SCRG1: variants seen among roughly 807,000 people sequenced by gnomAD.
The protein encoded by SCRG1 is stimulator of chondrogenesis 1, also known as scrapie-responsive protein 1.
SCRG1 carries 3 observed loss-of-function variants against 7.7 expected under a neutral mutation model. That is an observed-to-expected ratio of 0.39 (90% CI 0.18 to 1.01). The LOEUF is 1.01. SCRG1 is among the 50% of genes least tolerant of loss of function. The pLI is 0.36. For missense variants in SCRG1, 110 were observed against 117.2 expected, an observed-to-expected ratio of 0.94 and a Z score of 0.28; for synonymous variants, 46 against 41.2, an observed-to-expected ratio of 1.12 and a Z score of -0.44.
the SCRG1 span, among the ~76,000 whole-genome samples, chr4:173,451,674 ATTTATTTATTTT>A: frequency 7.4e-6 from 1 of 134,868 alleles, no homozygotes; most frequent in Admixed American, 7.3e-5. Flanking sequence ...TTATTTATTT[ATTTATTTATTTT>A]GAGACAGAGT....
chr4:173,503,673 A>G, the SCRG1 span, among the ~76,000 whole-genome samples: 17 of 152,244 alleles, frequency 1.1e-4, no homozygotes, highest in African/African-American at 4.1e-4. The surrounding 1 kb of genome is among the most constrained non-coding windows in gnomAD (Gnocchi z 6.4). Context: ...GAGGAAGTCA[A>G]CATGCTGGAG....
At chr4:173,450,861 C>T in the SCRG1 span, among the ~76,000 whole-genome samples, 1 of 103,960 alleles carries the variant, frequency 9.6e-6, no homozygotes, top group Non-Finnish European at 2.6e-5. Flanking sequence ...GGTCACTGGG[C>T]CTCCCCAGAG....
the SCRG1 span, among the ~76,000 whole-genome samples, chr4:173,460,056 C>T: frequency 2.0e-5 from 3 of 152,162 alleles, no homozygotes; most frequent in African/African-American, 7.2e-5. Flanking sequence ...CCCGCTGCCC[C>T]GCCACCGCCC....
At chr4:173,437,081 GC>G in the SCRG1 span, among the ~76,000 whole-genome samples, 1 of 152,158 alleles carries the variant, frequency 6.6e-6, no homozygotes, top group Non-Finnish European at 1.5e-5. Context: ...GACATAAAAG[GC>G]AGTCTCTATG....
chr4:173,500,778 T>C, the SCRG1 span, among the ~76,000 whole-genome samples: 2 of 150,160 alleles, frequency 1.3e-5, no homozygotes, highest in African/African-American at 2.5e-5. Context: ...ACTGTAAATT[T>C]ATAAATTTAT....
chr4:173,502,857 G>T, the SCRG1 span, among the ~76,000 whole-genome samples: 2 of 152,336 alleles, frequency 1.3e-5, no homozygotes, highest in African/African-American at 4.8e-5. This position sits in a 1 kb window ranked among gnomAD's most constrained non-coding sequence, Gnocchi z 4.6. Flanking sequence ...CACTCTGGCT[G>T]CAACAGCCTA....
At chr4:173,456,588 TTGTTA>T in the SCRG1 span, among the ~76,000 whole-genome samples, 1 of 152,212 alleles carries the variant, frequency 6.6e-6, no homozygotes. Flanking sequence ...CTCAAACTTT[TTGTTA>T]TGTAATGCAC....
the SCRG1 span, among the ~76,000 whole-genome samples, chr4:173,518,414 A>G: frequency 1.3e-5 from 2 of 152,230 alleles, no homozygotes; most frequent in East Asian, 3.8e-4. Flanking sequence ...AAGGCTTAAA[A>G]TAAGTCCAAA....
chr4:173,512,739 T>C, the SCRG1 span, among the ~76,000 whole-genome samples: 16 of 152,188 alleles, frequency 1.1e-4, no homozygotes, highest in Non-Finnish European at 1.9e-4. Context: ...TCTCCATCCA[T>C]ATCTAACTCC....
At chr4:173,483,281 TATGATATATCA>T in the SCRG1 span, among the ~76,000 whole-genome samples, 1 of 55,970 alleles carries the variant, frequency 1.8e-5, no homozygotes, top group Middle Eastern at 0.024. Flanking sequence ...ATATATAATA[TATGATATATCA>T]TATATGATAT....
the SCRG1 span, among the ~76,000 whole-genome samples, chr4:173,500,628 C>T: frequency 6.6e-6 from 1 of 152,084 alleles, no homozygotes; most frequent in Admixed American, 6.6e-5. Flanking sequence ...TACAGGCCTC[C>T]GCTACCACGC....
At chr4:173,474,083 G>A in the SCRG1 span, among the ~76,000 whole-genome samples, 1 of 152,128 alleles carries the variant, frequency 6.6e-6, no homozygotes, top group Non-Finnish European at 1.5e-5. Context: ...AGGAGGCTGA[G>A]GCAAGGGAAT....
the SCRG1 span, among the ~76,000 whole-genome samples, chr4:173,457,440 T>A: frequency 6.6e-6 from 1 of 152,126 alleles, no homozygotes; most frequent in South Asian, 2.1e-4. Context: ...AAAGAAAAGC[T>A]TTTTTTGTCT....
upstream of SCRG1, among the ~76,000 whole-genome samples, chr4:173,407,476 A>C (rs1024925063): frequency 2.0e-5 from 3 of 152,108 alleles, no homozygotes; most frequent in African/African-American, 7.2e-5. Flanking sequence ...TGGAAGTTGC[A>C]GTGAGCCGAG....
chr4:173,487,340 G>T, the SCRG1 span, among the ~76,000 whole-genome samples: 16 of 152,166 alleles, frequency 1.1e-4, no homozygotes, highest in African/African-American at 3.6e-4. Context: ...GTCTAAACAG[G>T]ATAATGACAA....
chr4:173,463,812 T>C, the SCRG1 span, among the ~76,000 whole-genome samples: 5 of 152,036 alleles, frequency 3.3e-5, no homozygotes, highest in East Asian at 1.9e-4. Context: ...TCCTGGAAGG[T>C]TGGGGAGAAG....
At chr4:173,426,518 G>A in the SCRG1 span, among the ~76,000 whole-genome samples, 1 of 152,178 alleles carries the variant, frequency 6.6e-6, no homozygotes, top group Non-Finnish European at 1.5e-5. Context: ...CCAGGCTGGA[G>A]TGCAGTGGCA....
chr4:173,514,951 C>T, the SCRG1 span, among the ~76,000 whole-genome samples: 165 of 152,232 alleles, frequency 1.1e-3, 1 homozygote, highest in Non-Finnish European at 1.9e-3. Flanking sequence ...TAAACAGACC[C>T]GCCCCAAAAC....
the SCRG1 span, among the ~76,000 whole-genome samples, chr4:173,492,178 AT>A: frequency 6.6e-6 from 1 of 151,658 alleles, no homozygotes; most frequent in African/African-American, 2.4e-5. Flanking sequence ...AAAATCAAGT[AT>A]CAAAACAGGC....
Sources: allele counts gnomAD v4.1 joint callset (sites outside exome capture counted in the v4.1 genomes callset), GRCh38; gene constraint gnomAD v4.1.1; non-coding constraint Gnocchi (gnomAD v3.1); transcripts MANE v1.5; gene names NCBI Gene and HGNC (gene_info 2026-07-23, HGNC 2026-07-21).